Variants in AQP1 observed in about 807,000 individuals in gnomAD.
AQP1 encodes aquaporin-1.
AQP1 carries 11 observed loss-of-function variants against 19.7 expected under a neutral mutation model. That is an observed-to-expected ratio of 0.56 (90% CI 0.35 to 0.92). The LOEUF is 0.92. Among genes scored for constraint, AQP1 ranks in the 40% least tolerant of loss-of-function variants. The pLI, the probability that AQP1 is intolerant of heterozygous loss-of-function variation, is 0.01. For synonymous variants in AQP1, 159 were observed against 166.7 expected, an observed-to-expected ratio of 0.95 and a Z score of 0.36; for missense variants, 320 against 369.7, an observed-to-expected ratio of 0.87 and a Z score of 1.10.
rs541409107 is a variant in AQP1 at position 30,912,399 on chromosome 7, G to T, written c.384+106G>T. ...GATGGGGACACTGAGGAACGGAGAG[G>T]ACAAGAGGTTGCTGGAGGTCACGTA... On this transcript the variant is annotated intron_variant, in intron 1 of 3. Coordinates refer to ENST00000311813, the MANE Select transcript of AQP1 (RefSeq NM_198098.4). The surrounding 1 kb of genome is among the most constrained non-coding windows in gnomAD (Gnocchi z 4.3). 1.2e-5 allele frequency: 18 copies of T among 1,503,940 alleles called. No homozygotes were observed. The highest frequency in any genetic ancestry group is 1.6e-5 in the Non-Finnish European group (18 of 1,118,718). The allele number at this position is 1,503,940 out of a possible 1,614,324, so 93.2% of individuals were successfully genotyped here. A position where few individuals can be genotyped will look rare whatever the true frequency, so the allele number is the denominator to read the frequency against.
intron 1 of AQP1, among the ~76,000 whole-genome samples, chr7:30,914,482 T>TG (rs1282131729): frequency 3.3e-5 from 5 of 152,238 alleles, no homozygotes; most frequent in Middle Eastern, 3.4e-3. Context: ...AGCATGATGG[T>TG]GGGGGCTCAG....
intron 1 of AQP1, among the ~76,000 whole-genome samples, chr7:30,920,660 T>C (rs183417151): frequency 1.3e-5 from 2 of 152,308 alleles, no homozygotes; most frequent in Admixed American, 6.5e-5. Flanking sequence ...CCAGAGGGAA[T>C]AGGCCATGCT....
intron 1 of AQP1, among the ~76,000 whole-genome samples, chr7:30,916,390 G>A (rs1482569730): frequency 1.8e-4 from 27 of 152,284 alleles, no homozygotes; most frequent in Admixed American, 1.8e-3. Context: ...AGGGGCCATG[G>A]CCCTTACCTT....
At position 30,921,800 on chromosome 7, in the gene AQP1, C is replaced by T. The variant is rs1208019660; in HGVS notation, c.385-266C>T. ...AAAGGCCCCAGCTCACCCCAGGCCTCTCCAGCTTCTAGGCAGAGTGGGGCC... is the reference window on the plus strand; with the variant it reads ...AAAGGCCCCAGCTCACCCCAGGCCTTTCCAGCTTCTAGGCAGAGTGGGGCC... On this transcript the variant is annotated intron_variant, in intron 1 of 3. Coordinates refer to ENST00000311813, the MANE Select transcript of AQP1 (RefSeq NM_198098.4). 2.3e-5 allele frequency: 36 copies of T among 1,550,486 alleles called. 1 individual carries two copies. The highest frequency in any genetic ancestry group is 3.9e-5 in the Admixed American group (2 of 50,974).
intron 1 of AQP1, among the ~76,000 whole-genome samples, chr7:30,915,170 A>G (rs1791280502): frequency 6.6e-6 from 1 of 151,970 alleles, no homozygotes; most frequent in African/African-American, 2.4e-5. Context: ...GGCTTTTTTC[A>G]TTCTTCTGCT....
At chr7:30,917,393 G>A (rs1356130508) in intron 1 of AQP1, among the ~76,000 whole-genome samples, 13 of 152,220 alleles carry the variant, frequency 8.5e-5, no homozygotes, top group Admixed American at 8.5e-4. Flanking sequence ...GGGAGGGAGG[G>A]AGGAAGCCAT....
chr7:30,921,979 C>T, intron 1 of AQP1, 87 bp from the exon 2 acceptor site: 1 of 1,593,168 alleles, frequency 6.3e-7, no homozygotes, highest in Non-Finnish European at 8.6e-7. Flanking sequence ...CATGCCTGGG[C>T]CTGGGAGGCC....
rs765415762 is a variant in AQP1, at chr7:30,923,938, G to T, written c.*309G>T. 9.1e-6 allele frequency: 13 copies of T among 1,430,544 alleles called. No individual in the cohort carries two copies. The South Asian group carries it at 1.5e-4, about 16-fold the overall frequency. 88.6% of individuals were successfully genotyped at this position (1,430,544 alleles called of 1,614,324 possible). Reference sequence around the variant, plus strand: ...CCCCTCAGAGCATGATGGGAGGTGTGCCAGAAAGTCCCCCCTCGCCCCAAA... The same window carrying T: ...CCCCTCAGAGCATGATGGGAGGTGTTCCAGAAAGTCCCCCCTCGCCCCAAA... On this transcript the variant is annotated 3_prime_UTR_variant, in exon 4 of 4. Coordinates refer to ENST00000311813, the MANE Select transcript of AQP1 (RefSeq NM_198098.4). The surrounding 1 kb of genome is among the most constrained non-coding windows in gnomAD (Gnocchi z 4.8).
At chr7:30,920,235 T>C (rs566179064) in intron 1 of AQP1, among the ~76,000 whole-genome samples, 1 of 152,296 alleles carries the variant, frequency 6.6e-6, no homozygotes, top group African/African-American at 2.4e-5. Context: ...TCAGGACTTC[T>C]GCCAGCTAGC....
At chr7:30,921,316 G>GT (rs1381212157) in intron 1 of AQP1, 1 of 1,345,980 alleles carries the variant, frequency 7.4e-7, no homozygotes, top group Non-Finnish European at 9.5e-7. Flanking sequence ...TGGCCCAGGA[G>GT]TAAGTGGCAG....
At chr7:30,914,904 C>T (rs1344824097) in intron 1 of AQP1, among the ~76,000 whole-genome samples, 1 of 152,234 alleles carries the variant, frequency 6.6e-6, no homozygotes, top group Non-Finnish European at 1.5e-5. Context: ...GACCGTGGGC[C>T]TCCGTCCAGC....
chr7:30,922,738 C>G, intron 3 of AQP1, 94 bp downstream of exon 3: 1 of 1,284,764 alleles, frequency 7.8e-7, no homozygotes, highest in Non-Finnish European at 1.1e-6. Context: ...TCTGGAGGCT[C>G]TGGGAGACAG....
At chr7:30,913,768 G>A (rs1257285859) in intron 1 of AQP1, among the ~76,000 whole-genome samples, 1 of 152,188 alleles carries the variant, frequency 6.6e-6, no homozygotes, top group Non-Finnish European at 1.5e-5. Context: ...GTGGGCTGGA[G>A]TTTAGACTTT....
chr7:30,919,423 G>A (rs1008969256), intron 1 of AQP1, among the ~76,000 whole-genome samples: 3 of 152,130 alleles, frequency 2.0e-5, no homozygotes, highest in African/African-American at 7.2e-5. Flanking sequence ...TGGAGAGCTT[G>A]TATCTTTCTG....
intron 1 of AQP1, among the ~76,000 whole-genome samples, chr7:30,915,275 GC>G (rs1791284011): frequency 6.6e-6 from 1 of 152,176 alleles, no homozygotes; most frequent in Admixed American, 6.5e-5. Context: ...CCCGAGAGAA[GC>G]CCACAGCCCT....
intron 1 of AQP1, among the ~76,000 whole-genome samples, chr7:30,918,238 C>T (rs1053782094): frequency 4.6e-5 from 7 of 152,176 alleles, no homozygotes; most frequent in Non-Finnish European, 1.0e-4. Context: ...GTGATCCACC[C>T]GCCTTGGCTT....
chr7:30,913,099 G>A (rs1791211516), intron 1 of AQP1, among the ~76,000 whole-genome samples: 1 of 152,072 alleles, frequency 6.6e-6, no homozygotes, highest in Admixed American at 6.6e-5. Context: ...GGGTGTGTGG[G>A]GGTGAGTTTG....
rs1023323832 is a variant in AQP1, at chr7:30,924,731, C to G, written c.*1102C>G. The G allele has an allele frequency of 6.6e-6, 1 of 152,280 alleles. No individual in the cohort carries two copies. Among genetic ancestry groups the G allele is most frequent in the African/African-American group, 2.4e-5 (1 of 41,470 alleles). 9.4% of individuals were successfully genotyped at this position (152,280 alleles called of 1,614,324 possible). A position where few individuals can be genotyped will look rare whatever the true frequency, so the allele number is the denominator to read the frequency against. On this transcript the variant is annotated 3_prime_UTR_variant, in exon 4 of 4. Transcript: ENST00000311813. Reference sequence around the variant, plus strand: ...AGGTCAGCCCATGGAGGCAGATGCCCTTGCTGGGCCTGGGGGTTTTCCAAG... The same window carrying G: ...AGGTCAGCCCATGGAGGCAGATGCCGTTGCTGGGCCTGGGGGTTTTCCAAG...
rs752486311 is a variant in AQP1 at position 30,923,799 on chromosome 7, T to C, written c.*170T>C. 1.3e-6 allele frequency: 2 copies of C among 1,517,012 alleles called. No individual in the cohort carries two copies. The highest frequency in any genetic ancestry group is 2.5e-5 in the South Asian group (2 of 81,616). The allele number at this position is 1,517,012 out of a possible 1,614,324, so 94.0% of individuals were successfully genotyped here. ...TCTTATGGGGGTGTTTCTATCTCTT[T>C]CTTTCTCTTTCTGTTTCCTGGCCTC... On this transcript the variant is annotated 3_prime_UTR_variant, in exon 4 of 4. Coordinates refer to ENST00000311813, the MANE Select transcript of AQP1 (RefSeq NM_198098.4). This position sits in a 1 kb window ranked among gnomAD's most constrained non-coding sequence, Gnocchi z 4.8.
Sources: gnomAD v4.1 joint callset for allele counts (sites outside exome capture counted in the v4.1 genomes callset) on GRCh38, gnomAD v4.1.1 for gene constraint, Gnocchi (gnomAD v3.1) non-coding constraint, MANE v1.5 for transcripts, NCBI Gene and HGNC (gene_info 2026-07-23, HGNC 2026-07-21) for gene names.